Variants in TRIO observed in about 807,000 individuals in gnomAD.
TRIO encodes the protein triple functional domain protein.
A neutral mutation model predicts 351.9 loss-of-function variants in TRIO; 58 were observed. The observed-to-expected ratio is 0.16, with a 90% CI of 0.13 to 0.21. The LOEUF is 0.21. Ranked by LOEUF, TRIO falls within the 10% of genes least tolerant of loss-of-function variation. The pLI is 1.00. For missense variants in TRIO, 3,201 were observed against 4,027.8 expected (o/e 0.79, Z 5.56); for synonymous variants, 1,758 against 1,595.7 (o/e 1.10, Z -2.42).
intron 1 of TRIO, among the ~76,000 whole-genome samples, chr5:14,171,055 A>G (rs1029421840): frequency 6.6e-6 from 1 of 152,204 alleles, no homozygotes; most frequent in Non-Finnish European, 1.5e-5. Context: ...GCCCTAAAAT[A>G]AAATATCATG....
rs1408702364 is a variant in TRIO, at chr5:14,217,871, C to T, written c.158-52954C>T. Among the ~76,000 whole-genome samples the T allele has an allele frequency of 2.6e-5, 4 of 152,184 alleles. No individual in the cohort carries two copies. In the East Asian group the frequency reaches 5.8e-4, roughly 22 times the overall value. On this transcript the variant is annotated intron_variant, in intron 1 of 56. Transcript: ENST00000344204. ...ATTGCATAAGGTTATAGGAAAGTGT[C>T]TCTGTCTTTTACACCGTATTGCCAG...
At chr5:14,381,831 A>G (rs1746133258) in intron 21 of TRIO, among the ~76,000 whole-genome samples, 1 of 152,282 alleles carries the variant, frequency 6.6e-6, no homozygotes, top group Admixed American at 6.5e-5. Flanking sequence ...AAATAAAATT[A>G]TGAAATCGAA....
intron 11 of TRIO, among the ~76,000 whole-genome samples, chr5:14,350,313 G>T (rs1056798593): frequency 6.6e-6 from 1 of 152,206 alleles, no homozygotes; most frequent in Non-Finnish European, 1.5e-5. Flanking sequence ...ACCTGAGGGT[G>T]GGGGAGCAGC....
In TRIO at chr5:14,207,319, CACACACACACA is replaced by C. The variant is rs1268909151; in HGVS notation, c.157+63438_157+63448del. Among the ~76,000 whole-genome samples the C allele has an allele frequency of 5.7e-4, 9 of 15,696 alleles. 1 individual carries two copies. Among genetic ancestry groups the C allele is most frequent in the African/African-American group, 9.2e-4 (5 of 5,456 alleles). 10.3% of individuals were successfully genotyped at this position (15,696 alleles called of 152,430 possible). Reference sequence around the variant, plus strand: ...CAGGTAGCATAGCAAGACTGTCTCTCACACACACACACACACACACACACACACACACACAC... The same window carrying C: ...CAGGTAGCATAGCAAGACTGTCTCTCCACACACACACACACACACACACAC... On this transcript the variant is annotated intron_variant, in intron 1 of 56. Coordinates refer to ENST00000344204, the MANE Select transcript of TRIO (RefSeq NM_007118.4).
At chr5:14,255,016 T>G (rs80001484) in intron 1 of TRIO, among the ~76,000 whole-genome samples, 17,678 of 152,088 alleles carry the variant, frequency 0.12, 1,363 homozygotes, top group African/African-American at 0.22. Flanking sequence ...AAAATCTAGT[T>G]TATTGTTTTA....
At chr5:14,370,789 C>A (rs750532891) in intron 18 of TRIO, among the ~76,000 whole-genome samples, 5 of 152,146 alleles carry the variant, frequency 3.3e-5, no homozygotes, top group Admixed American at 6.5e-5. Context: ...TTAAGTTTAC[C>A]AAATGCTGAC....
chr5:14,154,122 G>A (rs1315654228), intron 1 of TRIO, among the ~76,000 whole-genome samples: 1 of 152,160 alleles, frequency 6.6e-6, no homozygotes, highest in East Asian at 1.9e-4. Context: ...AGTCTGGGGA[G>A]AAATCCTGAT....
At chr5:14,410,409 C>G (rs1314021377) in intron 33 of TRIO, among the ~76,000 whole-genome samples, 3 of 152,190 alleles carry the variant, frequency 2.0e-5, no homozygotes, top group African/African-American at 7.2e-5. Context: ...CATCCTTTCC[C>G]TAGTCAGTCT....
intron 20 of TRIO, among the ~76,000 whole-genome samples, chr5:14,379,652 C>A (rs771943037): frequency 6.6e-6 from 1 of 152,202 alleles, no homozygotes; most frequent in Non-Finnish European, 1.5e-5. Context: ...GTTTCAGGTT[C>A]TTTTCTCACA....
intron 56 of TRIO, 63 bp downstream of exon 56, chr5:14,507,323 C>G: frequency 6.3e-7 from 1 of 1,590,270 alleles, no homozygotes; most frequent in South Asian, 1.1e-5. Flanking sequence ...ATGCGGGACA[C>G]AGAGCCCCCT....
chr5:14,251,261 C>G (rs575449383), intron 1 of TRIO, among the ~76,000 whole-genome samples: 1 of 152,274 alleles, frequency 6.6e-6, no homozygotes, highest in East Asian at 1.9e-4. Context: ...ATTAGTAGAA[C>G]CTCTTAGGAA....
intron 1 of TRIO, among the ~76,000 whole-genome samples, chr5:14,203,053 T>C (rs1791232500): frequency 6.6e-6 from 1 of 152,196 alleles, no homozygotes. Context: ...TGGTTCGTTT[T>C]GTAGTAATTA....
chr5:14,507,534 T>TGGCGGGTGC (rs1221458607), intron 56 of TRIO, among the ~76,000 whole-genome samples: 26 of 152,106 alleles, frequency 1.7e-4, no homozygotes, highest in African/African-American at 6.3e-4. Context: ...CCGGTGGGTG[T>TGGCGGGTGC]GGCGGGTGCA....
intron 7 of TRIO, among the ~76,000 whole-genome samples, chr5:14,299,633 T>C (rs1316637328): frequency 6.6e-6 from 1 of 152,228 alleles, no homozygotes. Context: ...TAGGTCAACG[T>C]TGTTCCCTCA....
intron 1 of TRIO, among the ~76,000 whole-genome samples, chr5:14,268,840 A>G (rs1795835834): frequency 6.6e-6 from 1 of 152,174 alleles, no homozygotes; most frequent in Non-Finnish European, 1.5e-5. Flanking sequence ...CCCCAGTGCC[A>G]TCTGTGTCCA....
chr5:14,482,564 C>G lies in TRIO; in HGVS notation c.6466-18C>G. 7.0e-7 allele frequency: 1 copy of G among 1,422,638 alleles called. No individual in the cohort carries two copies. Among genetic ancestry groups the G allele is most frequent in the Non-Finnish European group, 9.3e-7 (1 of 1,076,104 alleles). 88.1% of individuals were successfully genotyped at this position (1,422,638 alleles called of 1,614,324 possible). A position where few individuals can be genotyped will look rare whatever the true frequency, so the allele number is the denominator to read the frequency against. The stretch of plus-strand genomic sequence containing the variant: ...TTTTCTTCTCCCCTTCCTTTTCCCC[C>G]TTTATTTCTTGTTTTAGGGGAAAAT... On this transcript the variant is annotated intron_variant, in intron 45 of 56. Coordinates refer to ENST00000344204, the MANE Select transcript of TRIO (RefSeq NM_007118.4).
At chr5:14,461,798 C>G (rs1187976034) in intron 35 of TRIO, among the ~76,000 whole-genome samples, 1 of 152,202 alleles carries the variant, frequency 6.6e-6, no homozygotes, top group Non-Finnish European at 1.5e-5. Flanking sequence ...TTGTTTTTCC[C>G]CAATATTTAT....
chr5:14,298,070 G>A (rs924456831), intron 7 of TRIO, among the ~76,000 whole-genome samples: 1 of 152,232 alleles, frequency 6.6e-6, no homozygotes, highest in African/African-American at 2.4e-5. Context: ...GCCCGCAAGG[G>A]TGAGGGAGGA....
Position 14,358,219 on chromosome 5 carries a change from C to T in TRIO, c.2088C>T (p.Asp696=), listed in dbSNP as rs572666630. 108 of 1,613,946 alleles carry T rather than the reference C, an allele frequency of 6.7e-5. No homozygotes were observed. Among genetic ancestry groups the T allele is most frequent in the South Asian group, 3.1e-4 (28 of 91,072 alleles). Reference sequence around the variant, plus strand: ...AGGAGCTGCAGAAGGAGCTGCTGGACGACGTGTATGCCGAGTCGGTGGAGG... The same window carrying T: ...AGGAGCTGCAGAAGGAGCTGCTGGATGACGTGTATGCCGAGTCGGTGGAGG... The part of the protein sequence containing the change: ...WLEELQKELL[D]DVYAESVEAV... Residue 696 remains aspartate (D), a synonymous_variant, in exon 12 of 57, where the codon GAC becomes GAT. Transcript: ENST00000344204.
Sources: gnomAD v4.1 joint callset for allele counts (sites outside exome capture counted in the v4.1 genomes callset) on GRCh38, gnomAD v4.1.1 for gene constraint, MANE v1.5 for transcripts, NCBI Gene and HGNC (gene_info 2026-07-23, HGNC 2026-07-21) for gene names.